The following ELAVL1 variants were observed in gnomAD, a reference collection of about 807,000 sequenced individuals.
ELAVL1 encodes the protein ELAV-like protein 1.
In ELAVL1, 1 loss-of-function variant was observed where a neutral mutation model predicts 28.4. That is an observed-to-expected ratio of 0.04 (90% CI 0.01 to 0.17). The LOEUF is 0.17. Ranked by LOEUF, ELAVL1 falls within the 10% of genes least tolerant of loss-of-function variation. The probability of loss-of-function intolerance (pLI) is 1.00; values close to 1 mark genes in which losing one functional copy is unlikely to be tolerated. For synonymous variants in ELAVL1, 174 were observed against 183.5 expected, an observed-to-expected ratio of 0.95 and a Z score of 0.42; for missense variants, 157 against 447.2, an observed-to-expected ratio of 0.35 and a Z score of 5.85.
At chr19:7,965,123 C>T (rs193222910) in intron 5 of ELAVL1, among the ~76,000 whole-genome samples, 12 of 152,374 alleles carry the variant, frequency 7.9e-5, no homozygotes, top group Admixed American at 6.5e-4. Flanking sequence ...GAGGGTCTCA[C>T]TATGTTGTCC....
intron 1 of ELAVL1, among the ~76,000 whole-genome samples, chr19:8,000,041 T>C (rs1464243214): frequency 1.2e-4 from 18 of 152,140 alleles, no homozygotes. Flanking sequence ...CCTCCCAAAG[T>C]GCTGGGATTA....
At chr19:8,003,673 CAG>C (rs1011442269) in intron 1 of ELAVL1, among the ~76,000 whole-genome samples, 2 of 127,628 alleles carry the variant, frequency 1.6e-5, no homozygotes, top group African/African-American at 6.1e-5. Flanking sequence ...GCCTGGGCGG[CAG>C]AGTGAGACTC....
intron 2 of ELAVL1, among the ~76,000 whole-genome samples, chr19:7,988,958 C>T (rs565547267): frequency 5.9e-5 from 9 of 152,250 alleles, no homozygotes; most frequent in East Asian, 1.9e-4. Context: ...AGTTCCACTG[C>T]GAAGCGGGAG....
At position 7,961,227 on chromosome 19, in the gene ELAVL1, GAGTT is replaced by G. The variant is rs1243837484; in HGVS notation, c.*2252_*2255del. 21 of 152,392 alleles carry G rather than the reference GAGTT, an allele frequency of 1.4e-4. No homozygotes were observed. The highest frequency in any genetic ancestry group is 4.8e-4 in the African/African-American group (20 of 41,598). The allele number at this position is 152,392 out of a possible 1,614,324, so 9.4% of individuals were successfully genotyped here. A position where few individuals can be genotyped will look rare whatever the true frequency, so the allele number is the denominator to read the frequency against. Reference sequence around the variant, plus strand: ...ATTTTCACAGTTGAAGCTTAAGACAGAGTTCTCTGTTGAATGCTAGCTATGGGCA... The same window carrying G: ...ATTTTCACAGTTGAAGCTTAAGACAGCTCTGTTGAATGCTAGCTATGGGCA... On this transcript the variant is annotated 3_prime_UTR_variant, in exon 6 of 6. Transcript: ENST00000407627.
At chr19:7,997,268 C>A (rs1231182458) in intron 1 of ELAVL1, among the ~76,000 whole-genome samples, 1 of 152,220 alleles carries the variant, frequency 6.6e-6, no homozygotes, top group African/African-American at 2.4e-5. Flanking sequence ...CGGCATTATT[C>A]ATAATCATCC....
At chr19:7,970,777 G>C (rs980386181) in intron 4 of ELAVL1, among the ~76,000 whole-genome samples, 78 of 151,048 alleles carry the variant, frequency 5.2e-4, no homozygotes, top group African/African-American at 1.8e-3. Context: ...TGGCCAGGCT[G>C]TTCTGAACTC....
chr19:7,994,337 CAG>C (rs1985825854), intron 1 of ELAVL1, among the ~76,000 whole-genome samples: 2 of 152,214 alleles, frequency 1.3e-5, no homozygotes, highest in African/African-American at 4.8e-5. Context: ...GGGTAGAAGT[CAG>C]AGAGCTGTAA....
intron 2 of ELAVL1, among the ~76,000 whole-genome samples, chr19:7,985,060 G>A (rs757967735): frequency 6.6e-6 from 1 of 152,116 alleles, no homozygotes; most frequent in Non-Finnish European, 1.5e-5. Flanking sequence ...GCTGGGACTA[G>A]AGGGGCACGC....
intron 4 of ELAVL1, chr19:7,972,883 C>T (rs1466305900): frequency 7.4e-6 from 1 of 134,562 alleles, no homozygotes; most frequent in African/African-American, 2.8e-5. Context: ...GCAATCTCGG[C>T]TTGCTGCAAT....
Position 7,979,581 on chromosome 19 carries a change from CAAGGA to C in ELAVL1, c.276+1497_276+1501del, listed in dbSNP as rs1985395456. Among the ~76,000 whole-genome samples, 6 of 152,230 alleles carry C rather than the reference CAAGGA, an allele frequency of 3.9e-5. No individual in the cohort carries two copies. The highest frequency in any genetic ancestry group is 3.9e-4 in the Admixed American group (6 of 15,282). On this transcript the variant is annotated intron_variant, in intron 3 of 5. Transcript: ENST00000407627. This position sits in a 1 kb window ranked among gnomAD's most constrained non-coding sequence, Gnocchi z 5.4. ...AATTCCTAGATGGGGAGTCCAGGGC[CAAGGA>C]TAAGCCACCTGGGGCTGGAGGCGAG... is the stretch of plus-strand genomic sequence containing the variant.
chr19:8,003,691 CAAA>C (rs35438998), intron 1 of ELAVL1, among the ~76,000 whole-genome samples: 5 of 80,756 alleles, frequency 6.2e-5, no homozygotes, highest in Admixed American at 1.3e-4. Context: ...GACTCCGTCT[CAAA>C]AAAAAAAAAA....
intron 2 of ELAVL1, among the ~76,000 whole-genome samples, chr19:7,984,178 G>T (rs1462597163): frequency 6.6e-6 from 1 of 152,194 alleles, no homozygotes; most frequent in African/African-American, 2.4e-5. Context: ...TCCTCAAGGA[G>T]CTGACGCATT....
At chr19:7,973,915 C>G (rs999681076) in intron 3 of ELAVL1, 37 bp from the exon 4 acceptor site, 4 of 1,608,814 alleles carry the variant, frequency 2.5e-6, no homozygotes, top group Middle Eastern at 1.7e-4. Context: ...TTAGTACAGG[C>G]ACGTGGCCAA....
At chr19:7,994,202 C>A (rs545646932) in intron 1 of ELAVL1, among the ~76,000 whole-genome samples, 1 of 151,968 alleles carries the variant, frequency 6.6e-6, no homozygotes, top group African/African-American at 2.4e-5. Context: ...TTATTTAGAC[C>A]TGTGGTTTTC....
intron 3 of ELAVL1, among the ~76,000 whole-genome samples, chr19:7,980,348 A>T (rs1275477937): frequency 6.6e-6 from 1 of 152,150 alleles, no homozygotes; most frequent in African/African-American, 2.4e-5. Context: ...ACGAGGCTTG[A>T]TACAGGTGGC....
intron 1 of ELAVL1, among the ~76,000 whole-genome samples, chr19:7,992,784 T>C (rs1269687885): frequency 6.6e-6 from 1 of 152,204 alleles, no homozygotes; most frequent in Non-Finnish European, 1.5e-5. Context: ...TCACCAAGAA[T>C]AACAGAGGTA....
intron 2 of ELAVL1, among the ~76,000 whole-genome samples, chr19:7,988,049 C>T (rs960176164): frequency 1.3e-5 from 2 of 152,188 alleles, no homozygotes; most frequent in Non-Finnish European, 2.9e-5. Context: ...AACGACAGTG[C>T]AGGCCACCAG....
chr19:7,965,947 T>A (rs1984944093), intron 5 of ELAVL1, among the ~76,000 whole-genome samples: 2 of 152,228 alleles, frequency 1.3e-5, no homozygotes, highest in Admixed American at 1.3e-4. Flanking sequence ...CTTTGGAATT[T>A]GAGCCAGGCT....
At chr19:7,978,708 T>C (rs939584935) in intron 3 of ELAVL1, among the ~76,000 whole-genome samples, 21 of 152,168 alleles carry the variant, frequency 1.4e-4, no homozygotes, top group African/African-American at 5.1e-4. Flanking sequence ...GCGGGAACCC[T>C]GAATTTGTAG....
Sources: gnomAD v4.1 joint callset for allele counts (sites outside exome capture counted in the v4.1 genomes callset) on GRCh38, gnomAD v4.1.1 for gene constraint, Gnocchi (gnomAD v3.1) non-coding constraint, MANE v1.5 for transcripts, NCBI Gene and HGNC (gene_info 2026-07-23, HGNC 2026-07-21) for gene names.